Variants in FAM78A observed in about 807,000 individuals in gnomAD.
FAM78A encodes the protein family with sequence similarity 78 member A.
In FAM78A, 12 loss-of-function variants were observed where a neutral mutation model predicts 22.6. That is an observed-to-expected ratio of 0.53 (90% confidence interval 0.34 to 0.86). The LOEUF (loss-of-function observed/expected upper bound fraction) is 0.86, where lower values mean the gene tolerates loss of function less well. Ranked by LOEUF, FAM78A falls within the 40% of genes least tolerant of loss-of-function variation. FAM78A has a pLI of 0.02. For synonymous variants in FAM78A, 151 were observed against 155.8 expected (o/e 0.97, Z 0.23); for missense variants, 322 against 396.1 (o/e 0.81, Z 1.59).
At position 131,272,729 on chromosome 9, in the gene FAM78A, G is replaced by A. The variant is rs1420916984; in HGVS notation, c.323+3128C>T. 2.0e-5 allele frequency among the ~76,000 whole-genome samples: 3 copies of A among 152,092 alleles called. No homozygotes were observed. The highest frequency in any genetic ancestry group is 4.4e-5 in the Non-Finnish European group (3 of 68,036). On this transcript the variant is annotated intron_variant, in intron 1 of 1. Coordinates refer to ENST00000372271, the MANE Select transcript of FAM78A (RefSeq NM_033387.4). This position sits in a 1 kb window ranked among gnomAD's most constrained non-coding sequence, Gnocchi z 4.1. The stretch of plus-strand genomic sequence containing the variant: ...GCAGATCACCTGAGGTCAGGAGTTC[G>A]AGACCATCCTGGCCAACGCGGTGAA...
Position 131,274,011 on chromosome 9 carries a change from G to A in FAM78A, c.323+1846C>T, listed in dbSNP as rs931085503. On this transcript the variant is annotated intron_variant, in intron 1 of 1. Transcript: ENST00000372271. The surrounding 1 kb of genome is among the most constrained non-coding windows in gnomAD (Gnocchi z 4.2). ...AACCAGGAAGCCAGGACTGCGACAG[G>A]GAGGGCAGGGTTGTCTCAGGTCCCA... Among the ~76,000 whole-genome samples the A allele has an allele frequency of 5.3e-5, 8 of 152,232 alleles. No individual in the cohort carries two copies. The South Asian group carries it at 1.7e-3, about 32-fold the overall frequency.
chr9:131,273,048 C>T (rs1423184295), intron 1 of FAM78A, among the ~76,000 whole-genome samples: 2 of 152,228 alleles, frequency 1.3e-5, no homozygotes, highest in Non-Finnish European at 1.5e-5. Context: ...TGGCCTTCTC[C>T]ATGAGCCCTT....
chr9:131,273,913 A>G (rs148522067), intron 1 of FAM78A, among the ~76,000 whole-genome samples: 155 of 152,358 alleles, frequency 1.0e-3, no homozygotes, highest in African/African-American at 3.1e-3. Flanking sequence ...GGACTTGCCT[A>G]GGGCCACATC....
intron 1 of FAM78A, chr9:131,264,084 C>G (rs1360399143): frequency 6.5e-6 from 1 of 154,250 alleles, no homozygotes; most frequent in East Asian, 1.9e-4. Context: ...ACAGTGCTTA[C>G]ACTTGCTTGG....
At position 131,261,116 on chromosome 9, in the gene FAM78A, G is replaced by C. The variant is rs1383091001; in HGVS notation, c.558C>G (p.Asp186Glu). The C allele has an allele frequency of 6.2e-7, 1 of 1,614,124 alleles. No individual in the cohort carries two copies. Among genetic ancestry groups the C allele is most frequent in the South Asian group, 1.1e-5 (1 of 91,086 alleles). Residue 186 changes from aspartate to glutamate, a missense_variant, in exon 2 of 2, where the codon GAC (aspartate) becomes GAG (glutamate). By Grantham distance (45) the Asp-to-Glu change is conservative. Coordinates refer to ENST00000372271, the MANE Select transcript of FAM78A (RefSeq NM_033387.4). The surrounding 1 kb of genome is among the most constrained non-coding windows in gnomAD (Gnocchi z 7.1). Reference protein sequence around the residue: ...NVAKLTNIYRDQSFTTWLVAT... With the variant: ...NVAKLTNIYREQSFTTWLVAT... ...CCACCAGCCAGGTGGTGAAGCTCTG[G>C]TCCCGGTAGATATTGGTGAGCTTGG...
At chr9:131,270,393 A>G in intron 1 of FAM78A, 1 of 717,592 alleles carries the variant, frequency 1.4e-6, no homozygotes, top group East Asian at 2.7e-5. Context: ...CCAATCAGCA[A>G]AACAAAGGAT....
In FAM78A at chr9:131,275,992, C is replaced by T. The variant is rs545925341; in HGVS notation, c.188G>A (p.Arg63His). The change falls in exon 1 of 2, where the codon CGC becomes CAC. Residue 63 changes from arginine (R) to histidine (H), a missense_variant. By Grantham distance (29) the Arg-to-His change is conservative. Coordinates refer to ENST00000372271, the MANE Select transcript of FAM78A (RefSeq NM_033387.4). The surrounding 1 kb of genome is among the most constrained non-coding windows in gnomAD (Gnocchi z 4.6). ...GGCCCGGAAGTGGGGTGTCCGGTAG[C>T]GGAGCACCACGCTGGAGGACTCATC... Reference protein sequence around the residue: ...SIDESSSVVLRYRTPHFRASA... With the variant: ...SIDESSSVVLHYRTPHFRASA... 3.1e-6 allele frequency: 5 copies of T among 1,613,666 alleles called. No homozygotes were observed. The African/African-American group carries it at 4.0e-5, about 13-fold the overall frequency.
intron 1 of FAM78A, among the ~76,000 whole-genome samples, chr9:131,270,897 G>A (rs187233452): frequency 9.9e-4 from 151 of 152,248 alleles, no homozygotes; most frequent in Non-Finnish European, 1.9e-3. Flanking sequence ...GCTGGGAGAC[G>A]GCAGGTGGGA....
At chr9:131,268,059 A>G (rs1835366790) in intron 1 of FAM78A, among the ~76,000 whole-genome samples, 1 of 149,224 alleles carries the variant, frequency 6.7e-6, no homozygotes, top group South Asian at 2.1e-4. Context: ...CTCAAAAAAA[A>G]AAAAAAAAAA....
At position 131,276,036 on chromosome 9, in the gene FAM78A, G is replaced by A; in HGVS notation, c.144C>T (p.Asp48=). The part of the protein sequence containing the change: ...ITVIDVKASI[D]PVPTSIDESS... ...ACTCATCGATGCTAGTGGGGACGGGGTCGATGGAGGCTTTCACATCAATCA... is the reference window on the plus strand; with the variant it reads ...ACTCATCGATGCTAGTGGGGACGGGATCGATGGAGGCTTTCACATCAATCA... The change falls in exon 1 of 2, where the codon GAC becomes GAT. Residue 48 remains aspartate (D), a synonymous_variant. Coordinates refer to ENST00000372271, the MANE Select transcript of FAM78A (RefSeq NM_033387.4). The surrounding 1 kb of genome is among the most constrained non-coding windows in gnomAD (Gnocchi z 4.3). 1 of 1,613,788 alleles carries A rather than the reference G, an allele frequency of 6.2e-7. No homozygotes were observed. The highest frequency in any genetic ancestry group is 1.7e-5 in the Admixed American group (1 of 60,010).
upstream of FAM78A, among the ~76,000 whole-genome samples, chr9:131,276,806 G>A (rs1346850589): frequency 6.7e-6 from 1 of 150,172 alleles, no homozygotes; most frequent in Non-Finnish European, 1.5e-5. This position sits in a 1 kb window ranked among gnomAD's most constrained non-coding sequence, Gnocchi z 4.3. Flanking sequence ...CCCCGTCGGC[G>A]CCCACTCGCG....
At chr9:131,263,170 C>T (rs961969898) in intron 1 of FAM78A, among the ~76,000 whole-genome samples, 13 of 145,960 alleles carry the variant, frequency 8.9e-5, no homozygotes, top group Non-Finnish European at 1.6e-4. Context: ...ACCCAGGAGG[C>T]GGAGGTTGCA....
chr9:131,271,974 A>C (rs1835426629), intron 1 of FAM78A, among the ~76,000 whole-genome samples: 1 of 150,266 alleles, frequency 6.7e-6, no homozygotes, highest in East Asian at 2.0e-4. Context: ...AGAGAAACTC[A>C]CTCTTTTCCA....
At chr9:131,279,380 C>T (rs1835520463), upstream of FAM78A, among the ~76,000 whole-genome samples, 1 of 152,250 alleles carries the variant, frequency 6.6e-6, no homozygotes, top group South Asian at 2.1e-4. Flanking sequence ...GGGCCTTCTG[C>T]ACCTCTTGTG....
rs1267448753 is a variant in FAM78A, at chr9:131,274,089, T to TG, written c.323+1767dup. 1.3e-5 allele frequency among the ~76,000 whole-genome samples: 2 copies of TG among 152,204 alleles called. No homozygotes were observed. Among genetic ancestry groups the TG allele is most frequent in the African/African-American group, 4.8e-5 (2 of 41,450 alleles). On this transcript the variant is annotated intron_variant, in intron 1 of 1. Coordinates refer to ENST00000372271, the MANE Select transcript of FAM78A (RefSeq NM_033387.4). This position sits in a 1 kb window ranked among gnomAD's most constrained non-coding sequence, Gnocchi z 4.2. Reference sequence around the variant, plus strand: ...CCCACACCTACTCAGGGTCACCAGATGGAGAACAAGTCTTAGACAAGACAT... The same window carrying TG: ...CCCACACCTACTCAGGGTCACCAGATGGGAGAACAAGTCTTAGACAAGACAT...
chr9:131,268,064 A>C (rs1176204937), intron 1 of FAM78A, among the ~76,000 whole-genome samples: 1 of 151,664 alleles, frequency 6.6e-6, no homozygotes, highest in African/African-American at 2.4e-5. Flanking sequence ...AAAAAAAAAA[A>C]AAAAAAGACT....
At position 131,258,219 on chromosome 9, in the gene FAM78A, G is replaced by A. The variant is rs992956692; in HGVS notation, c.*2603C>T. 2 of 152,452 alleles carry A rather than the reference G, an allele frequency of 1.3e-5. No homozygotes were observed. The highest frequency in any genetic ancestry group is 1.9e-4 in the East Asian group (1 of 5,174). The allele number at this position is 152,452 out of a possible 1,614,324, so 9.4% of individuals were successfully genotyped here. On this transcript the variant is annotated 3_prime_UTR_variant, in exon 2 of 2. Transcript: ENST00000372271. ...TGGTTTGTTTCACAGTACTCTCCAC[G>A]ACCAAGGACGGTTCTTATTGCTGGA...
rs1835460063 is a variant in FAM78A at position 131,274,628 on chromosome 9, A to C, written c.323+1229T>G. On this transcript the variant is annotated intron_variant, in intron 1 of 1. Coordinates refer to ENST00000372271, the MANE Select transcript of FAM78A (RefSeq NM_033387.4). The surrounding 1 kb of genome is among the most constrained non-coding windows in gnomAD (Gnocchi z 4.2). ...CTGTGATCCTCATGTTTCCTTTAGAACTTTGGAGTCATTAAGTAGAGAAGC... is the reference window on the plus strand; with the variant it reads ...CTGTGATCCTCATGTTTCCTTTAGACCTTTGGAGTCATTAAGTAGAGAAGC... Among the ~76,000 whole-genome samples, 1 of 152,158 alleles carries C rather than the reference A, an allele frequency of 6.6e-6. No individual in the cohort carries two copies.
At chr9:131,264,444 GTCC>G in intron 1 of FAM78A, 1 of 629,504 alleles carries the variant, frequency 1.6e-6, no homozygotes, top group Non-Finnish European at 2.9e-6. Context: ...GCAGCCCAGG[GTCC>G]ACTGTCAGCC....
Sources: gnomAD v4.1 joint callset for allele counts (sites outside exome capture counted in the v4.1 genomes callset) on GRCh38, gnomAD v4.1.1 for gene constraint, Gnocchi (gnomAD v3.1) non-coding constraint, MANE v1.5 for transcripts, NCBI Gene and HGNC (gene_info 2026-07-23, HGNC 2026-07-21) for gene names.